Variants in SPOCK2 observed in about 807,000 individuals in gnomAD.
SPOCK2 encodes the protein SPARC (osteonectin), cwcv and kazal like domains proteoglycan 2, also known as testican-2.
Under a neutral mutation model 60.1 loss-of-function variants are expected in SPOCK2, and 39 were observed. The observed-to-expected ratio is 0.65, with a 90% confidence interval of 0.50 to 0.85. SPOCK2 has a LOEUF of 0.85. Ranked by LOEUF, SPOCK2 falls within the 40% of genes least tolerant of loss-of-function variation. SPOCK2 has a pLI of 0.00. For synonymous variants in SPOCK2, 217 were observed against 231.5 expected (o/e 0.94, Z 0.57); for missense variants, 523 against 567.4 (o/e 0.92, Z 0.80).
chr10:72,074,573 G>T (rs1304281764), intron 1 of SPOCK2, among the ~76,000 whole-genome samples: 1 of 152,238 alleles, frequency 6.6e-6, no homozygotes, highest in East Asian at 1.9e-4. Flanking sequence ...TGTTCACCCA[G>T]TGCCAGATGG....
At chr10:72,066,063 T>A (rs1431684601) in intron 8 of SPOCK2, among the ~76,000 whole-genome samples, 1 of 152,134 alleles carries the variant, frequency 6.6e-6, no homozygotes, top group Non-Finnish European at 1.5e-5. Context: ...GCCACACAGG[T>A]CAGGTGAGCC....
intron 1 of SPOCK2, among the ~76,000 whole-genome samples, chr10:72,084,709 ACTAG>A (rs1464348372): frequency 6.6e-6 from 1 of 152,220 alleles, no homozygotes; most frequent in Non-Finnish European, 1.5e-5. Context: ...TCTGCTACTT[ACTAG>A]CTATTTGACC....
chr10:72,064,289 G>A, intron 8 of SPOCK2, 49 bp from the exon 9 acceptor site: 2 of 1,512,354 alleles, frequency 1.3e-6, no homozygotes, highest in Non-Finnish European at 1.8e-6. Context: ...TGGTGCTGGG[G>A]GGATGCACTG....
intron 1 of SPOCK2, among the ~76,000 whole-genome samples, chr10:72,080,133 C>T (rs1211048998): frequency 1.3e-5 from 2 of 152,102 alleles, no homozygotes; most frequent in Non-Finnish European, 2.9e-5. Context: ...TACAAGGGGT[C>T]TCAATATGGA....
chr10:72,086,834 C>A, intron 1 of SPOCK2: 1 of 1,542,504 alleles, frequency 6.5e-7, no homozygotes, highest in Non-Finnish European at 8.8e-7. Context: ...CAAAAAGATC[C>A]AAATCTCTGC....
At chr10:72,073,947 A>G (rs1434887559) in intron 1 of SPOCK2, among the ~76,000 whole-genome samples, 2 of 152,244 alleles carry the variant, frequency 1.3e-5, no homozygotes, top group African/African-American at 2.4e-5. Flanking sequence ...CCAGGCCTGC[A>G]GGCTGGCAGT....
At chr10:72,074,028 G>A (rs763999411) in intron 1 of SPOCK2, among the ~76,000 whole-genome samples, 1 of 152,182 alleles carries the variant, frequency 6.6e-6, no homozygotes, top group Non-Finnish European at 1.5e-5. Context: ...GGGGAGAGGG[G>A]CATGAGAAGC....
intron 7 of SPOCK2, 60 bp downstream of exon 7, chr10:72,067,553 G>C: frequency 1.2e-6 from 2 of 1,603,110 alleles, no homozygotes; most frequent in Non-Finnish European, 1.7e-6. Context: ...GCATACACCT[G>C]TGTCCTCAGC....
intron 4 of SPOCK2, 143 bp from the exon 5 acceptor site, chr10:72,070,569 T>G: frequency 1.6e-6 from 1 of 633,546 alleles, no homozygotes. Flanking sequence ...CTGCCCACCC[T>G]CCCCACACTG....
At chr10:72,066,820 C>T in intron 8 of SPOCK2, 82 bp downstream of exon 8, 1 of 1,541,990 alleles carries the variant, frequency 6.5e-7, no homozygotes, top group Non-Finnish European at 8.9e-7. Flanking sequence ...GAAAGAGCCA[C>T]TCTGACTTCC....
intron 3 of SPOCK2, 53 bp from the exon 4 acceptor site, chr10:72,072,311 C>T: frequency 1.4e-6 from 2 of 1,473,358 alleles, no homozygotes; most frequent in Non-Finnish European, 1.8e-6. Flanking sequence ...CCAGGAACCT[C>T]CAGCCCCACT....
intron 8 of SPOCK2, among the ~76,000 whole-genome samples, chr10:72,064,527 G>T (rs1840541930): frequency 6.6e-6 from 1 of 152,048 alleles, no homozygotes; most frequent in Non-Finnish European, 1.5e-5. Context: ...GAGGAGGTGG[G>T]GTGAACACAC....
chr10:72,063,278 C>T (rs1589116699), intron 9 of SPOCK2, 116 bp from the exon 10 acceptor site: 1 of 1,430,870 alleles, frequency 7.0e-7, no homozygotes, highest in East Asian at 2.5e-5. Flanking sequence ...CAGAGCCCAG[C>T]CAGACCGGGT....
intron 1 of SPOCK2, chr10:72,086,231 T>G: frequency 1.0e-6 from 1 of 986,474 alleles, no homozygotes; most frequent in Non-Finnish European, 1.2e-6. Flanking sequence ...GACTTTCAAA[T>G]CTAGTGCCTT....
chr10:72,062,517 GACACATT>G lies in SPOCK2; in HGVS notation c.*236_*242del. ...TCTGCCAGGAGCAGTGTGGATCAAG[GACACATT>G]TGTCAGCGCATGCCACACACACACA... On this transcript the variant is annotated 3_prime_UTR_variant, in exon 11 of 11. Transcript: ENST00000373109. This position sits in a 1 kb window ranked among gnomAD's most constrained non-coding sequence, Gnocchi z 4.3. 4.6e-6 allele frequency: 3 copies of G among 656,500 alleles called. No individual in the cohort carries two copies. Among genetic ancestry groups the G allele is most frequent in the Non-Finnish European group, 4.8e-6 (2 of 419,942 alleles). 40.7% of individuals were successfully genotyped at this position (656,500 alleles called of 1,614,324 possible).
chr10:72,073,032 C>T (rs989479869), intron 1 of SPOCK2, 122 bp from the exon 2 acceptor site: 14 of 1,361,884 alleles, frequency 1.0e-5, no homozygotes, highest in South Asian at 2.6e-5. Flanking sequence ...ATCATGTGGC[C>T]GAGCAATGGC....
At chr10:72,073,514 G>C (rs752441551) in intron 1 of SPOCK2, among the ~76,000 whole-genome samples, 1 of 152,198 alleles carries the variant, frequency 6.6e-6, no homozygotes, top group Non-Finnish European at 1.5e-5. Flanking sequence ...TCACGATTCA[G>C]CTTCAAACCC....
chr10:72,068,335 G>A (rs1259608288), intron 5 of SPOCK2, 34 bp from the exon 6 acceptor site: 1 of 1,565,440 alleles, frequency 6.4e-7, no homozygotes, highest in Non-Finnish European at 8.7e-7. Flanking sequence ...AGGGGACTGA[G>A]GGCTTACCCC....
At chr10:72,086,998 G>C (rs1469637677) in intron 1 of SPOCK2, 1 of 1,551,382 alleles carries the variant, frequency 6.4e-7, no homozygotes, top group African/African-American at 1.4e-5. Flanking sequence ...GGAACCTGGG[G>C]AAGGAGGAGT....
Sources: allele counts gnomAD v4.1 joint callset (sites outside exome capture counted in the v4.1 genomes callset), GRCh38; gene constraint gnomAD v4.1.1; non-coding constraint Gnocchi (gnomAD v3.1); transcripts MANE v1.5; gene names NCBI Gene and HGNC (gene_info 2026-07-23, HGNC 2026-07-21).